The following TRRAP variants were observed in gnomAD, a reference collection of about 807,000 sequenced individuals.
TRRAP encodes the protein transformation/transcription domain-associated protein.
In TRRAP, 41 loss-of-function variants were observed where a neutral mutation model predicts 438.8. That is an observed-to-expected ratio of 0.09 (90% CI 0.07 to 0.12). The LOEUF (loss-of-function observed/expected upper bound fraction) is 0.12, where lower values mean the gene tolerates loss of function less well. Ranked by LOEUF, TRRAP falls within the 10% of genes least tolerant of loss-of-function variation. The pLI, the probability that TRRAP is intolerant of heterozygous loss-of-function variation, is 1.00. For missense variants in TRRAP, 3,122 were observed against 5,055.1 expected (o/e 0.62, Z 11.60); for synonymous variants, 1,994 against 1,962.9 (o/e 1.02, Z -0.42).
At chr7:98,965,617 T>C in intron 48 of TRRAP, 79 bp from the exon 49 acceptor site, 3 of 1,590,396 alleles carry the variant, frequency 1.9e-6, no homozygotes, top group Non-Finnish European at 2.6e-6. Flanking sequence ...GAACCCAGCA[T>C]GCCAGGCAAG....
intron 10 of TRRAP, among the ~76,000 whole-genome samples, chr7:98,900,296 A>G (rs955844857): frequency 1.3e-5 from 2 of 151,976 alleles, no homozygotes; most frequent in Non-Finnish European, 2.9e-5. Flanking sequence ...TTCTTTGGCC[A>G]TCGCCACGGC....
Position 98,924,443 on chromosome 7 carries a change from C to T in TRRAP, c.2824-669C>T, listed in dbSNP as rs564465988. On this transcript the variant is annotated intron_variant, in intron 21 of 72. Transcript: ENST00000456197. ...GGTGCCGTGGCTTAGTTGGTTAAGGCGCCTGTCTAGAAATGTGCATTAAGA... is the reference window on the plus strand; with the variant it reads ...GGTGCCGTGGCTTAGTTGGTTAAGGTGCCTGTCTAGAAATGTGCATTAAGA... Among the ~76,000 whole-genome samples, 8 of 152,182 alleles carry T rather than the reference C, an allele frequency of 5.3e-5. No homozygotes were observed. The South Asian group carries it at 8.3e-4, about 16-fold the overall frequency.
At position 98,945,981 on chromosome 7, in the gene TRRAP, G is replaced by A. The variant is rs781887383; in HGVS notation, c.4548+31G>A. The A allele has an allele frequency of 3.5e-6, 5 of 1,418,452 alleles. No homozygotes were observed. The African/African-American group carries it at 4.4e-5, about 12-fold the overall frequency. 87.9% of individuals were successfully genotyped at this position (1,418,452 alleles called of 1,614,324 possible). On this transcript the variant is annotated intron_variant, in intron 33 of 72. Coordinates refer to ENST00000456197, the MANE Select transcript of TRRAP (RefSeq NM_001375524.1). ...AACTTGAGCGGAGCTACAGGAGGGG[G>A]TTGTTGTCGTTGCTGGTTTTGCTGT...
At position 99,004,185 on chromosome 7, in the gene TRRAP, T is replaced by C. The variant is rs1375507485; in HGVS notation, c.10310-5T>C. ...AAACGTTTTTAATCATGTTTTATTT[T>C]TAAGATTTTGACTTCAGCGTTCCAG... On this transcript the variant is annotated splice_region_variant and splice_polypyrimidine_tract_variant and intron_variant, in intron 67 of 72. Coordinates refer to ENST00000456197, the MANE Select transcript of TRRAP (RefSeq NM_001375524.1). 1.2e-6 allele frequency: 2 copies of C among 1,604,670 alleles called. No individual in the cohort carries two copies. The highest frequency in any genetic ancestry group is 2.7e-5 in the African/African-American group (2 of 73,974).
At chr7:98,937,317 C>CACACACATGTGTGTGT (rs1554414512) in intron 29 of TRRAP, 40 bp downstream of exon 29, 17 of 1,593,368 alleles carry the variant, frequency 1.1e-5, no homozygotes, top group Non-Finnish European at 1.5e-5. Flanking sequence ...CGCGTGTGTG[C>CACACACATGTGTGTGT]ACACACATGT....
intron 63 of TRRAP, among the ~76,000 whole-genome samples, 160 bp downstream of exon 63, chr7:98,989,126 A>G (rs1390483980): frequency 6.6e-6 from 1 of 152,132 alleles, no homozygotes; most frequent in Non-Finnish European, 1.5e-5. Flanking sequence ...TCACAGTTCC[A>G]TTTCAAAGCT....
Position 98,915,845 on chromosome 7 carries a change from C to G in TRRAP, c.2322C>G (p.Leu774=). 1 of 1,614,220 alleles carries G rather than the reference C, an allele frequency of 6.2e-7. No individual in the cohort carries two copies. Among genetic ancestry groups the G allele is most frequent in the Non-Finnish European group, 8.5e-7 (1 of 1,180,046 alleles). ...CTATTGGTGGAGGTAGCCACGATCT[C>G]TTGTATCAGGAGTTCTTGCCTCTCC... ...FRSIGGGSHD[L]LYQEFLPLLP... is the part of the protein sequence containing the mutation. Residue 774 remains leucine, a synonymous_variant, in exon 19 of 73, where the codon CTC becomes CTG. Transcript: ENST00000456197.
At chr7:98,985,661 C>A (rs1323491311) in intron 62 of TRRAP, among the ~76,000 whole-genome samples, 2 of 152,192 alleles carry the variant, frequency 1.3e-5, no homozygotes, top group Non-Finnish European at 2.9e-5. Flanking sequence ...CAAGATGCTG[C>A]CTGTTGCCTT....
At chr7:99,009,578 G>T (rs1794340198) in intron 70 of TRRAP, among the ~76,000 whole-genome samples, 1 of 152,218 alleles carries the variant, frequency 6.6e-6, no homozygotes, top group Non-Finnish European at 1.5e-5. Context: ...TGTGGCACAG[G>T]CCATGGCCTG....
intron 3 of TRRAP, among the ~76,000 whole-genome samples, chr7:98,885,540 CT>C (rs1164299900): frequency 1.3e-5 from 2 of 151,542 alleles, no homozygotes; most frequent in African/African-American, 2.4e-5. Flanking sequence ...AGTATTTTAG[CT>C]TTTTTTTAAT....
At chr7:98,906,278 T>C (rs200740340) in intron 13 of TRRAP, 23 bp downstream of exon 13, 631 of 1,593,360 alleles carry the variant, frequency 4.0e-4, no homozygotes, top group Non-Finnish European at 5.0e-4. Flanking sequence ...ACCAGTGATA[T>C]CTGGTTGGTT....
Position 98,988,740 on chromosome 7 carries a change from G to A in TRRAP, c.9390-25G>A, listed in dbSNP as rs1417686431. 3.1e-6 allele frequency: 5 copies of A among 1,610,612 alleles called. No homozygotes were observed. In the African/African-American group the frequency reaches 4.0e-5, roughly 13 times the overall value. The stretch of plus-strand genomic sequence containing the variant: ...CTCGCTTCAATTGAAAACCATACAC[G>A]TTTTGGTTTTCTGTCTCCTCACAGG... On this transcript the variant is annotated intron_variant, in intron 62 of 72. Transcript: ENST00000456197.
At chr7:98,978,724 T>G in intron 57 of TRRAP, 45 bp from the exon 58 acceptor site, 1 of 1,612,494 alleles carries the variant, frequency 6.2e-7, no homozygotes. Context: ...AATTCATGAG[T>G]GTGCTGGTGA....
Position 99,008,546 on chromosome 7 carries a change from C to A in TRRAP, c.10923C>A (p.Thr3641=). 6.2e-7 allele frequency: 1 copy of A among 1,613,564 alleles called. No individual in the cohort carries two copies. Among genetic ancestry groups the A allele is most frequent in the Non-Finnish European group, 8.5e-7 (1 of 1,179,976 alleles). The change falls in exon 70 of 73, where the codon ACC becomes ACA. Residue 3641 remains threonine (T), a synonymous_variant. Coordinates refer to ENST00000456197, the MANE Select transcript of TRRAP (RefSeq NM_001375524.1). ...DRLATVQARG[T]QASHQVLRDI... ...TGGCTACGGTGCAGGCGCGGGGAAC[C>A]CAAGCCAGCCACCAGGTAGCAGTGG...
chr7:98,984,247 G>A lies in TRRAP; in HGVS notation c.9177G>A (p.Arg3059=), dbSNP rs1342723209. The A allele has an allele frequency of 6.2e-7, 1 of 1,614,006 alleles. No individual in the cohort carries two copies. Among genetic ancestry groups the A allele is most frequent in the Non-Finnish European group, 8.5e-7 (1 of 1,179,958 alleles). ...ATGTAGCTCTGGATATATTAAGTCGGATTCATACTATTCCAACTGTTCCTA... is the reference window on the plus strand; with the variant it reads ...ATGTAGCTCTGGATATATTAAGTCGAATTCATACTATTCCAACTGTTCCTA... ...LVNVALDILS[R]IHTIPTVPIV... Residue 3059 remains arginine, a synonymous_variant, in exon 61 of 73, where the codon CGG becomes CGA. Transcript: ENST00000456197.
rs73145606 is a variant in TRRAP, at chr7:99,012,964, G to A, written c.*609G>A. ...CGGGAGCGCCACACGCATCCACTTC[G>A]GATTCAGTGGGTGAAGACAGAACTC... On this transcript the variant is annotated 3_prime_UTR_variant, in exon 73 of 73. Transcript: ENST00000456197. The surrounding 1 kb of genome is among the most constrained non-coding windows in gnomAD (Gnocchi z 5.9). The A allele has an allele frequency of 0.03, 4,596 of 152,382 alleles. 100 individuals are homozygous for A. The highest frequency in any genetic ancestry group is 0.057 in the South Asian group (277 of 4,834). 9.4% of individuals were successfully genotyped at this position (152,382 alleles called of 1,614,324 possible). A position where few individuals can be genotyped will look rare whatever the true frequency, so the allele number is the denominator to read the frequency against.
In TRRAP at chr7:98,931,489, A is replaced by G; in HGVS notation, c.3676A>G (p.Arg1226Gly). Residue 1226 changes from arginine to glycine, a missense_variant, in exon 26 of 73, where the codon AGA becomes GGA. This residue lies in a region of TRRAP where 153 missense variants were observed against 223.0 expected (regional missense o/e 0.69). Coordinates refer to ENST00000456197, the MANE Select transcript of TRRAP (RefSeq NM_001375524.1). ...RCATPLKDEE[R>G]AEEIVAAQEK... ...CGCAACGCCTTTAAAAGACGAGGAG[A>G]GAGCCGAAGAGATCGTGGCCGCCCA... The G allele has an allele frequency of 6.2e-7, 1 of 1,614,102 alleles. No homozygotes were observed. The highest frequency in any genetic ancestry group is 8.5e-7 in the Non-Finnish European group (1 of 1,179,984).
intron 6 of TRRAP, 72 bp from the exon 7 acceptor site, chr7:98,895,692 C>CT: frequency 7.5e-7 from 1 of 1,330,046 alleles, no homozygotes; most frequent in Non-Finnish European, 1.0e-6. Context: ...ACAATTACAA[C>CT]TTTTCTTATT....
intron 67 of TRRAP, among the ~76,000 whole-genome samples, chr7:98,996,074 C>T (rs531369864): frequency 2.0e-5 from 3 of 150,838 alleles, no homozygotes; most frequent in African/African-American, 7.3e-5. Flanking sequence ...CACTTACCTG[C>T]GTCCCCTCAT....
Sources: allele counts gnomAD v4.1 joint callset (sites outside exome capture counted in the v4.1 genomes callset), GRCh38; gene constraint gnomAD v4.1.1; regional missense constraint gnomAD v4.1.1; non-coding constraint Gnocchi (gnomAD v3.1); transcripts MANE v1.5; gene names NCBI Gene and HGNC (gene_info 2026-07-23, HGNC 2026-07-21).